The following ZNF385B variants were observed in gnomAD, a reference collection of about 807,000 sequenced individuals.
ZNF385B encodes zinc finger protein 533.
Under a neutral mutation model 39.2 loss-of-function variants are expected in ZNF385B, and 23 were observed. The observed-to-expected ratio is 0.59, with a 90% confidence interval of 0.42 to 0.83. ZNF385B has a LOEUF of 0.83. Ranked by LOEUF, ZNF385B falls within the 40% of genes least tolerant of loss-of-function variation. The pLI, the probability that ZNF385B is intolerant of heterozygous loss-of-function variation, is 0.00. For synonymous variants in ZNF385B, 205 were observed against 222.6 expected, an observed-to-expected ratio of 0.92 and a Z score of 0.70; for missense variants, 552 against 598.9, an observed-to-expected ratio of 0.92 and a Z score of 0.82.
chr2:179,779,550 G>A (rs1258886884), intron 1 of ZNF385B, among the ~76,000 whole-genome samples: 1 of 152,238 alleles, frequency 6.6e-6, no homozygotes, highest in East Asian at 1.9e-4. Flanking sequence ...GCAGAGTAGA[G>A]AGGGTGTCAT....
intron 3 of ZNF385B, among the ~76,000 whole-genome samples, chr2:179,660,348 G>A (rs1231182936): frequency 6.6e-6 from 1 of 152,132 alleles, no homozygotes; most frequent in Non-Finnish European, 1.5e-5. Flanking sequence ...AAAAATTATG[G>A]AAAAGTAAGT....
chr2:179,449,138 A>G (rs998954217), intron 6 of ZNF385B, among the ~76,000 whole-genome samples: 5 of 152,146 alleles, frequency 3.3e-5, no homozygotes, highest in African/African-American at 4.8e-5. Flanking sequence ...ATGGACTATA[A>G]GAAAATTACA....
At chr2:179,737,217 T>A (rs1701818514) in intron 3 of ZNF385B, among the ~76,000 whole-genome samples, 2 of 152,212 alleles carry the variant, frequency 1.3e-5, no homozygotes, top group Admixed American at 6.5e-5. Flanking sequence ...CTTCCAGTTA[T>A]CCTGTCTTCA....
chr2:179,575,054 T>G (rs1002258117), intron 3 of ZNF385B, among the ~76,000 whole-genome samples: 7 of 152,090 alleles, frequency 4.6e-5, no homozygotes, highest in East Asian at 1.9e-4. Flanking sequence ...CTGGATGGTC[T>G]GCTTGCCTCT....
intron 3 of ZNF385B, among the ~76,000 whole-genome samples, chr2:179,684,111 A>AT (rs901470566): frequency 2.0e-5 from 3 of 152,216 alleles, no homozygotes; most frequent in Non-Finnish European, 4.4e-5. Flanking sequence ...CAAGACTGAG[A>AT]TTTTAGAAAC....
chr2:179,676,663 T>TA lies in ZNF385B; in HGVS notation c.298+92839dup, dbSNP rs1418694812. On this transcript the variant is annotated intron_variant, in intron 3 of 9. Transcript: ENST00000410066. The stretch of plus-strand genomic sequence containing the variant: ...GCCATCATCTGCTGAGAGATGACAG[T>TA]AGCCTGGACTGTGGCAGTAGTGAAG... Among the ~76,000 whole-genome samples, 3 of 152,130 alleles carry TA rather than the reference T, an allele frequency of 2.0e-5. No individual in the cohort carries two copies. The East Asian group carries it at 5.8e-4, about 29-fold the overall frequency.
chr2:179,774,063 G>T (rs953841657), intron 1 of ZNF385B, among the ~76,000 whole-genome samples: 4 of 151,834 alleles, frequency 2.6e-5, no homozygotes, highest in African/African-American at 9.7e-5. Context: ...GTTTGCGTGT[G>T]GGGTGTGTGT....
chr2:179,529,636 G>A (rs1471780595), intron 4 of ZNF385B, among the ~76,000 whole-genome samples: 1 of 152,154 alleles, frequency 6.6e-6, no homozygotes, highest in Non-Finnish European at 1.5e-5. Context: ...ATTTACCTCT[G>A]TTGTGAATTT....
At chr2:179,766,347 G>T (rs1433026541) in intron 3 of ZNF385B, among the ~76,000 whole-genome samples, 1 of 152,096 alleles carries the variant, frequency 6.6e-6, no homozygotes, top group Admixed American at 6.5e-5. Context: ...ATTTTTCTCT[G>T]TGGGCATGAA....
At chr2:179,587,736 T>TAA (rs1687204119) in intron 3 of ZNF385B, among the ~76,000 whole-genome samples, 1 of 152,134 alleles carries the variant, frequency 6.6e-6, no homozygotes, top group African/African-American at 2.4e-5. Context: ...TGGCAGAACT[T>TAA]AAACATCACT....
intron 3 of ZNF385B, among the ~76,000 whole-genome samples, chr2:179,577,077 G>A (rs1021364848): frequency 6.6e-6 from 1 of 152,164 alleles, no homozygotes; most frequent in Non-Finnish European, 1.5e-5. Flanking sequence ...GCAGTAGAAA[G>A]TATCATTATC....
intron 3 of ZNF385B, among the ~76,000 whole-genome samples, chr2:179,755,743 T>C (rs1441920698): frequency 6.6e-6 from 1 of 152,228 alleles, no homozygotes; most frequent in Non-Finnish European, 1.5e-5. Flanking sequence ...TATCGGAGAC[T>C]AGGATTGCAA....
intron 1 of ZNF385B, among the ~76,000 whole-genome samples, chr2:179,809,705 G>A (rs1433450034): frequency 2.6e-5 from 4 of 151,906 alleles, no homozygotes; most frequent in African/African-American, 7.2e-5. Flanking sequence ...CGTGGGACAC[G>A]AGCAAAAAAT....
chr2:179,676,559 A>C (rs1696851475), intron 3 of ZNF385B, among the ~76,000 whole-genome samples: 1 of 152,200 alleles, frequency 6.6e-6, no homozygotes, highest in African/African-American at 2.4e-5. Flanking sequence ...AGTTCTGAAA[A>C]GATCATTCTG....
At chr2:179,595,620 T>A (rs1687929398) in intron 3 of ZNF385B, among the ~76,000 whole-genome samples, 1 of 149,498 alleles carries the variant, frequency 6.7e-6, no homozygotes, top group Non-Finnish European at 1.5e-5. Context: ...CCATCCCAGA[T>A]ATTCTTTTTT....
At chr2:179,780,985 G>T (rs1196085172) in intron 1 of ZNF385B, among the ~76,000 whole-genome samples, 1 of 152,130 alleles carries the variant, frequency 6.6e-6, no homozygotes, top group Non-Finnish European at 1.5e-5. Context: ...AACTGGGACT[G>T]CCCCAGGTAA....
chr2:179,535,864 C>G (rs982064461), intron 4 of ZNF385B, among the ~76,000 whole-genome samples: 34 of 152,258 alleles, frequency 2.2e-4, no homozygotes, highest in Admixed American at 2.1e-3. Flanking sequence ...GTAAAGGAAC[C>G]AGAATATTCC....
At chr2:179,812,658 A>C (rs1482918823) in intron 1 of ZNF385B, among the ~76,000 whole-genome samples, 1 of 152,286 alleles carries the variant, frequency 6.6e-6, no homozygotes. Flanking sequence ...GAGGGAGAGA[A>C]GGGGGAAAGG....
At chr2:179,443,511 T>C (rs1476114499) in intron 9 of ZNF385B, 43 bp from the exon 10 acceptor site, 1 of 1,452,410 alleles carries the variant, frequency 6.9e-7, no homozygotes, top group Admixed American at 2.0e-5. Context: ...AGATCCTGTT[T>C]TTGAATAACA....
Sources: allele counts gnomAD v4.1 joint callset (sites outside exome capture counted in the v4.1 genomes callset), GRCh38; gene constraint gnomAD v4.1.1; transcripts MANE v1.5; gene names NCBI Gene and HGNC (gene_info 2026-07-23, HGNC 2026-07-21).